PARN: variants seen among roughly 807,000 people sequenced by gnomAD.
PARN encodes poly(A)-specific ribonuclease, also known as poly(A)-specific ribonuclease PARN.
In PARN, 71 loss-of-function variants were observed where a neutral mutation model predicts 102.8. The observed-to-expected ratio is 0.69, with a 90% CI of 0.57 to 0.84. The LOEUF is 0.84. Ranked by LOEUF, PARN falls within the 40% of genes least tolerant of loss-of-function variation. The pLI, the probability that PARN is intolerant of heterozygous loss-of-function variation, is 0.00. For missense variants in PARN, 782 were observed against 760.9 expected (o/e 1.03, Z -0.33); for synonymous variants, 261 against 252.9 (o/e 1.03, Z -0.30).
At chr16:14,613,217 G>C (rs1402592711) in intron 6 of PARN, among the ~76,000 whole-genome samples, 1 of 151,362 alleles carries the variant, frequency 6.6e-6, no homozygotes, top group Non-Finnish European at 1.5e-5. Flanking sequence ...GCTGAGGCAG[G>C]AGAATCGCTT....
intron 22 of PARN, among the ~76,000 whole-genome samples, chr16:14,453,983 G>T (rs1384726520): frequency 6.6e-6 from 1 of 152,114 alleles, no homozygotes; most frequent in Non-Finnish European, 1.5e-5. Flanking sequence ...TGCAATTTAT[G>T]TTTAACTTTA....
At chr16:14,473,180 C>T (rs945856835) in intron 22 of PARN, among the ~76,000 whole-genome samples, 1 of 152,162 alleles carries the variant, frequency 6.6e-6, no homozygotes, top group Non-Finnish European at 1.5e-5. Flanking sequence ...AAGAATATAA[C>T]AGGAGCTGCC....
At chr16:14,527,432 C>G (rs1966066894) in intron 21 of PARN, among the ~76,000 whole-genome samples, 1 of 152,172 alleles carries the variant, frequency 6.6e-6, no homozygotes, top group South Asian at 2.1e-4. Flanking sequence ...TCCAGAACTG[C>G]AAATAAAGCC....
chr16:14,509,735 A>G (rs193151880), intron 21 of PARN, among the ~76,000 whole-genome samples: 1 of 152,308 alleles, frequency 6.6e-6, no homozygotes, highest in East Asian at 1.9e-4. Flanking sequence ...CAAAGTGTAA[A>G]ACTTGCTTCA....
At chr16:14,517,485 A>G (rs963988971) in intron 21 of PARN, among the ~76,000 whole-genome samples, 6 of 152,198 alleles carry the variant, frequency 3.9e-5, no homozygotes, top group African/African-American at 1.2e-4. Flanking sequence ...TAGGCAACCT[A>G]TGGAATTATG....
intron 1 of PARN, 90 bp from the exon 2 acceptor site, chr16:14,629,764 G>A: frequency 4.0e-6 from 4 of 992,876 alleles, no homozygotes; most frequent in Non-Finnish European, 6.4e-6. Context: ...TCCCGAGGCT[G>A]AGAGCCGGAA....
chr16:14,482,166 G>A (rs542031774), intron 22 of PARN, among the ~76,000 whole-genome samples: 1 of 152,296 alleles, frequency 6.6e-6, no homozygotes, highest in African/African-American at 2.4e-5. Context: ...GGAGGCCAAG[G>A]CAAGAGCATC....
At chr16:14,594,578 T>C (rs1299672252) in intron 12 of PARN, among the ~76,000 whole-genome samples, 2 of 151,936 alleles carry the variant, frequency 1.3e-5, no homozygotes, top group African/African-American at 2.4e-5. Flanking sequence ...TAGCTGGGTG[T>C]GGTGGCAGAT....
At chr16:14,531,531 T>C (rs960116824) in intron 21 of PARN, among the ~76,000 whole-genome samples, 1 of 152,166 alleles carries the variant, frequency 6.6e-6, no homozygotes, top group African/African-American at 2.4e-5. Flanking sequence ...ATGTGGCAGG[T>C]TCCCAGATAA....
At chr16:14,561,153 G>A (rs756634648) in intron 18 of PARN, among the ~76,000 whole-genome samples, 22 of 133,090 alleles carry the variant, frequency 1.7e-4, no homozygotes, top group Non-Finnish European at 2.4e-4. Context: ...GCAAAACTCC[G>A]TCTCAAAAAA....
chr16:14,555,889 G>A (rs1010372315), intron 18 of PARN, among the ~76,000 whole-genome samples, 180 bp from the exon 19 acceptor site: 1 of 151,410 alleles, frequency 6.6e-6, no homozygotes, highest in African/African-American at 2.4e-5. Context: ...TTTTTTAGAT[G>A]GAGTTTCACT....
At chr16:14,625,560 C>T (rs1972596165) in intron 5 of PARN, among the ~76,000 whole-genome samples, 1 of 152,116 alleles carries the variant, frequency 6.6e-6, no homozygotes, top group Non-Finnish European at 1.5e-5. Flanking sequence ...CGGTGATTGA[C>T]AAATAGCTAT....
chr16:14,594,616 T>C (rs1257354806), intron 12 of PARN, among the ~76,000 whole-genome samples: 1 of 152,088 alleles, frequency 6.6e-6, no homozygotes, highest in African/African-American at 2.4e-5. Context: ...CTCGGGAGGC[T>C]GAGGCAAAAG....
At chr16:14,563,520 G>A (rs867571641) in intron 18 of PARN, among the ~76,000 whole-genome samples, 5,923 of 74,928 alleles carry the variant, frequency 0.079, 206 homozygotes, top group Admixed American at 0.19. Flanking sequence ...GTGTGTGTGT[G>A]TGTATATAAT....
chr16:14,479,217 G>A (rs749818588), intron 22 of PARN, among the ~76,000 whole-genome samples: 1 of 152,042 alleles, frequency 6.6e-6, no homozygotes, highest in Non-Finnish European at 1.5e-5. Context: ...CCAGGAGTTC[G>A]AGACCAGCTT....
At chr16:14,458,803 T>A (rs556704062) in intron 22 of PARN, among the ~76,000 whole-genome samples, 1 of 152,060 alleles carries the variant, frequency 6.6e-6, no homozygotes, top group African/African-American at 2.4e-5. Context: ...CCCAGGCCAG[T>A]AGGAGCTAGA....
rs960671622 is a variant in PARN, at chr16:14,615,222, G to A, written c.388+2368C>T. Among the ~76,000 whole-genome samples the A allele has an allele frequency of 3.2e-4, 49 of 151,540 alleles. 1 individual carries two copies. The highest frequency in any genetic ancestry group is 2.9e-3 in the Admixed American group (44 of 15,150). ...GGATGACCTGGGAGTCCTGACTATC[G>A]TGACTAAAATATTCCAGGGCATGAC... On this transcript the variant is annotated intron_variant, in intron 6 of 23. Transcript: ENST00000437198.
intron 6 of PARN, among the ~76,000 whole-genome samples, chr16:14,613,528 T>C (rs535162788): frequency 1.3e-5 from 2 of 151,614 alleles, no homozygotes; most frequent in Non-Finnish European, 1.5e-5. Flanking sequence ...GAGGCTGAGG[T>C]GGGATAATCA....
intron 21 of PARN, among the ~76,000 whole-genome samples, chr16:14,520,231 C>T (rs1434478425): frequency 6.6e-6 from 1 of 152,154 alleles, no homozygotes; most frequent in African/African-American, 2.4e-5. Flanking sequence ...GAGAGACACA[C>T]TGATAGATTA....
Sources: gnomAD v4.1 joint callset for allele counts (sites outside exome capture counted in the v4.1 genomes callset) on GRCh38, gnomAD v4.1.1 for gene constraint, MANE v1.5 for transcripts, NCBI Gene and HGNC (gene_info 2026-07-23, HGNC 2026-07-21) for gene names.